MACROD2: variants seen among roughly 807,000 people sequenced by gnomAD.
MACROD2 encodes mono-ADP ribosylhydrolase 2.
A neutral mutation model predicts 70.4 loss-of-function variants in MACROD2; 36 were observed. The ratio of observed to expected loss-of-function variants is 0.51; its 90% confidence interval spans 0.39 to 0.68. The LOEUF (loss-of-function observed/expected upper bound fraction) is 0.68, where lower values mean the gene tolerates loss of function less well. Among genes scored for constraint, MACROD2 ranks in the 30% least tolerant of loss-of-function variants. MACROD2 has a pLI of 0.00. For synonymous variants in MACROD2, 172 were observed against 178.8 expected (o/e 0.96, Z 0.30); for missense variants, 496 against 538.4 (o/e 0.92, Z 0.78).
At chr20:14,387,713 AG>A (rs2122791407) in intron 3 of MACROD2, among the ~76,000 whole-genome samples, 1 of 152,354 alleles carries the variant, frequency 6.6e-6, no homozygotes, top group South Asian at 2.1e-4. Flanking sequence ...GCCAGCTTGG[AG>A]CTGGGGCTAA....
Position 15,888,024 on chromosome 20 carries a change from A to G in MACROD2, c.775+2213A>G, listed in dbSNP as rs528413175. 5.9e-5 allele frequency among the ~76,000 whole-genome samples: 9 copies of G among 152,180 alleles called. No homozygotes were observed. The South Asian group carries it at 1.9e-3, about 32-fold the overall frequency. On this transcript the variant is annotated intron_variant, in intron 10 of 17. Coordinates refer to ENST00000684519, the MANE Select transcript of MACROD2 (RefSeq NM_001351661.2). Reference sequence around the variant, plus strand: ...CTGAGTCTTGGTTGCCCACAGTGGAATGTGCTCATGAACACACCCAGTATT... The same window carrying G: ...CTGAGTCTTGGTTGCCCACAGTGGAGTGTGCTCATGAACACACCCAGTATT...
At chr20:14,635,982 C>T (rs1984765813) in intron 4 of MACROD2, among the ~76,000 whole-genome samples, 1 of 152,030 alleles carries the variant, frequency 6.6e-6, no homozygotes, top group Admixed American at 6.5e-5. Context: ...GTCTAATGTT[C>T]AATGGGAAAA....
intron 4 of MACROD2, among the ~76,000 whole-genome samples, chr20:14,659,608 C>T (rs1034843292): frequency 1.1e-4 from 16 of 152,106 alleles, no homozygotes; most frequent in African/African-American, 3.4e-4. Context: ...CTCTACCCTC[C>T]TCAGGTTACA....
At chr20:14,310,393 A>AT (rs946036863) in intron 3 of MACROD2, among the ~76,000 whole-genome samples, 1 of 152,152 alleles carries the variant, frequency 6.6e-6, no homozygotes, top group Non-Finnish European at 1.5e-5. Context: ...GATGGACTAC[A>AT]TATACAATCA....
intron 3 of MACROD2, among the ~76,000 whole-genome samples, chr20:14,259,451 G>A (rs2082084696): frequency 6.6e-6 from 1 of 152,032 alleles, no homozygotes; most frequent in Admixed American, 6.6e-5. Context: ...CTTTGTTTCT[G>A]TAGCTCATAC....
chr20:14,706,332 G>T (rs965347163), intron 5 of MACROD2, among the ~76,000 whole-genome samples: 3 of 151,388 alleles, frequency 2.0e-5, no homozygotes, highest in African/African-American at 7.3e-5. Context: ...AAAAAAATTG[G>T]TAGAAGAATT....
intron 5 of MACROD2, among the ~76,000 whole-genome samples, chr20:15,206,734 T>G (rs867412965): frequency 1.3e-5 from 1 of 75,290 alleles, no homozygotes; most frequent in African/African-American, 7.2e-5. Flanking sequence ...TTTTTTTTTT[T>G]TTTTTTTTTT....
At chr20:15,433,459 C>CAAAAAAAAAAAAAAAAAAAA (rs60298297) in intron 7 of MACROD2, among the ~76,000 whole-genome samples, 1 of 88,280 alleles carries the variant, frequency 1.1e-5, no homozygotes, top group Non-Finnish European at 2.1e-5. Flanking sequence ...ACAAGAGCTG[C>CAAAAAAAAAAAAAAAAAAAA]AAAAAAAAAA....
intron 5 of MACROD2, among the ~76,000 whole-genome samples, chr20:14,805,090 T>C (rs1377165923): frequency 6.6e-6 from 1 of 152,002 alleles, no homozygotes; most frequent in Non-Finnish European, 1.5e-5. Context: ...CATATATGCC[T>C]TTTTAGGGGA....
intron 5 of MACROD2, among the ~76,000 whole-genome samples, chr20:15,113,919 T>C (rs2123228789): frequency 6.6e-6 from 1 of 152,222 alleles, no homozygotes. Flanking sequence ...TTTGGAGATC[T>C]TTCCTCTTGC....
At chr20:14,722,155 G>A (rs868649629) in intron 5 of MACROD2, among the ~76,000 whole-genome samples, 6 of 152,208 alleles carry the variant, frequency 3.9e-5, no homozygotes, top group Admixed American at 1.3e-4. Context: ...GATGATCAGT[G>A]AGAGATAAGG....
chr20:14,749,483 AGAT>A, intron 5 of MACROD2, among the ~76,000 whole-genome samples: 1 of 152,220 alleles, frequency 6.6e-6, no homozygotes, highest in South Asian at 2.1e-4. Context: ...AAGCTTAGAG[AGAT>A]GATATTTTAA....
At chr20:15,925,279 A>T (rs548558427) in intron 10 of MACROD2, among the ~76,000 whole-genome samples, 5 of 152,338 alleles carry the variant, frequency 3.3e-5, no homozygotes, top group African/African-American at 1.2e-4. Flanking sequence ...AGCCACATGA[A>T]TATATTTCTT....
At chr20:15,908,949 C>T (rs1273726549) in intron 10 of MACROD2, among the ~76,000 whole-genome samples, 1 of 152,214 alleles carries the variant, frequency 6.6e-6, no homozygotes, top group East Asian at 1.9e-4. Flanking sequence ...GTTCCAGGTA[C>T]TAGGGATGTA....
Position 16,033,122 on chromosome 20 carries a change from A to G in MACROD2, c.1154-8079A>G, listed in dbSNP as rs144563783. Among the ~76,000 whole-genome samples the G allele has an allele frequency of 1.5e-3, 234 of 152,250 alleles. 1 individual carries two copies. The highest frequency in any genetic ancestry group is 5.3e-3 in the African/African-American group (219 of 41,560). ...AGCTACATGTTAATAAAGTTTTTAT[A>G]TGGAATCTGACTTTTAAATAAAGAC... On this transcript the variant is annotated intron_variant, in intron 15 of 17. Transcript: ENST00000684519.
At chr20:14,906,998 C>T (rs1394225556) in intron 5 of MACROD2, among the ~76,000 whole-genome samples, 1 of 152,136 alleles carries the variant, frequency 6.6e-6, no homozygotes, top group African/African-American at 2.4e-5. Flanking sequence ...AGGTGAGACT[C>T]AGCTCTGGAG....
intron 8 of MACROD2, among the ~76,000 whole-genome samples, chr20:15,785,770 T>G (rs2051914880): frequency 6.6e-6 from 1 of 152,104 alleles, no homozygotes; most frequent in Non-Finnish European, 1.5e-5. Context: ...GTGCTTTCTC[T>G]TCATCCCGAT....
rs374929343 is a variant in MACROD2 at position 14,158,493 on chromosome 20, A to C, written c.271+72765A>C. Among the ~76,000 whole-genome samples the C allele has an allele frequency of 6.6e-5, 10 of 152,186 alleles. No homozygotes were observed. In the East Asian group the frequency reaches 1.4e-3, roughly 21 times the overall value. On this transcript the variant is annotated intron_variant, in intron 3 of 17. Transcript: ENST00000684519. ...TGTGCTTTTGAGGTCTTAGGCATAAAATCCTTGCCTAGACTAATGTCCTGA... is the reference window on the plus strand; with the variant it reads ...TGTGCTTTTGAGGTCTTAGGCATAACATCCTTGCCTAGACTAATGTCCTGA...
At chr20:15,834,378 C>T (rs951923187) in intron 8 of MACROD2, among the ~76,000 whole-genome samples, 5 of 152,046 alleles carry the variant, frequency 3.3e-5, no homozygotes, top group African/African-American at 7.2e-5. Context: ...TAACACACCG[C>T]GTATTTTCCA....
Sources: allele counts gnomAD v4.1 joint callset (sites outside exome capture counted in the v4.1 genomes callset), GRCh38; gene constraint gnomAD v4.1.1; transcripts MANE v1.5; gene names NCBI Gene and HGNC (gene_info 2026-07-23, HGNC 2026-07-21).